Variants in MAP2K4 observed in about 807,000 individuals in gnomAD.
MAP2K4 encodes dual specificity mitogen-activated protein kinase kinase 4.
Under a neutral mutation model 48.5 loss-of-function variants are expected in MAP2K4, and 4 were observed. The observed-to-expected ratio is 0.08, with a 90% CI of 0.04 to 0.19. The LOEUF (loss-of-function observed/expected upper bound fraction) is 0.19. MAP2K4 is among the 10% of genes least tolerant of loss of function. The pLI, the probability that MAP2K4 is intolerant of heterozygous loss-of-function variation, is 1.00. For missense variants in MAP2K4, 258 were observed against 493.3 expected, an observed-to-expected ratio of 0.52 and a Z score of 4.52; for synonymous variants, 166 against 173.1, an observed-to-expected ratio of 0.96 and a Z score of 0.32.
Position 12,049,639 on chromosome 17 carries a change from A to G in MAP2K4, c.116-5250A>G, listed in dbSNP as rs529567616. 2.9e-3 allele frequency among the ~76,000 whole-genome samples: 444 copies of G among 152,298 alleles called. 4 individuals carry two copies. Among genetic ancestry groups the G allele is most frequent in the African/African-American group, 1.0e-2 (415 of 41,568 alleles). On this transcript the variant is annotated intron_variant, in intron 1 of 10. Coordinates refer to ENST00000353533, the MANE Select transcript of MAP2K4 (RefSeq NM_003010.4). Reference sequence around the variant, plus strand: ...ACTGAGCTGCTTCACATTCAAACTCAGGGTAGCTTTCCAGGAGGGCAAAAG... The same window carrying G: ...ACTGAGCTGCTTCACATTCAAACTCGGGGTAGCTTTCCAGGAGGGCAAAAG...
chr17:12,120,542 C>CT, intron 7 of MAP2K4, among the ~76,000 whole-genome samples: 1 of 141,000 alleles, frequency 7.1e-6, no homozygotes, highest in Middle Eastern at 3.8e-3. Flanking sequence ...ATTCCCCCCC[C>CT]CATAAAAAAG....
rs1312824308 is a variant in MAP2K4 at position 12,067,100 on chromosome 17, G to A, written c.218+12109G>A. Among the ~76,000 whole-genome samples, 6 of 152,162 alleles carry A rather than the reference G, an allele frequency of 3.9e-5. No individual in the cohort carries two copies. In the East Asian group the frequency reaches 1.2e-3, roughly 29 times the overall value. ...GCCTCCCAAAGTGCTGGGATTACAG[G>A]GGTGAGCCACTGTGCCCCACCCACA... On this transcript the variant is annotated intron_variant, in intron 2 of 10. Coordinates refer to ENST00000353533, the MANE Select transcript of MAP2K4 (RefSeq NM_003010.4).
At chr17:12,128,505 A>T (rs777606992) in intron 8 of MAP2K4, among the ~76,000 whole-genome samples, 2 of 152,102 alleles carry the variant, frequency 1.3e-5, no homozygotes, top group Non-Finnish European at 2.9e-5. Context: ...GACTCTTCAG[A>T]TCTCTTCTGG....
intron 1 of MAP2K4, among the ~76,000 whole-genome samples, chr17:12,037,753 A>G (rs543461422): frequency 6.6e-6 from 1 of 152,170 alleles, no homozygotes; most frequent in Admixed American, 6.6e-5. Flanking sequence ...TGGGAAGTCC[A>G]TCTGCTTGGA....
chr17:12,032,284 G>T, intron 1 of MAP2K4: 1 of 1,411,698 alleles, frequency 7.1e-7, no homozygotes, highest in Non-Finnish European at 9.3e-7. Flanking sequence ...ATAAACTTCT[G>T]TGAAAAGGCA....
chr17:12,024,603 A>T (rs2151504731), intron 1 of MAP2K4, among the ~76,000 whole-genome samples: 1 of 152,340 alleles, frequency 6.6e-6, no homozygotes, highest in Non-Finnish European at 1.5e-5. Context: ...TATATTTGGC[A>T]TTAGGATGAG....
chr17:12,061,657 T>C (rs1372917331), intron 2 of MAP2K4, among the ~76,000 whole-genome samples: 1 of 152,246 alleles, frequency 6.6e-6, no homozygotes, highest in East Asian at 1.9e-4. Flanking sequence ...AGGCAGACAT[T>C]AGAAGATAGC....
intron 1 of MAP2K4, among the ~76,000 whole-genome samples, chr17:12,035,606 G>C (rs1969569354): frequency 6.6e-6 from 1 of 152,024 alleles, no homozygotes; most frequent in African/African-American, 2.4e-5. Flanking sequence ...TCCACTGTTG[G>C]GGCACACTTA....
chr17:12,030,145 A>G (rs1239105552), intron 1 of MAP2K4, among the ~76,000 whole-genome samples: 1 of 152,120 alleles, frequency 6.6e-6, no homozygotes, highest in Non-Finnish European at 1.5e-5. Flanking sequence ...CCAAATCTGC[A>G]CTATAAGCAC....
intron 1 of MAP2K4, among the ~76,000 whole-genome samples, chr17:12,027,279 C>A (rs1969283210): frequency 6.6e-6 from 1 of 152,026 alleles, no homozygotes; most frequent in Admixed American, 6.5e-5. Context: ...TCAAGGTGGG[C>A]CTTTTGAATG....
intron 2 of MAP2K4, among the ~76,000 whole-genome samples, chr17:12,059,748 A>G (rs1372382717): frequency 1.3e-5 from 2 of 152,234 alleles, no homozygotes; most frequent in African/African-American, 4.8e-5. Context: ...AGAGGTTTCA[A>G]AGTCCCTAGT....
chr17:12,088,575 A>AATATATAATATATATTAAATATATT (rs1567653793), intron 3 of MAP2K4, among the ~76,000 whole-genome samples: 81 of 138,068 alleles, frequency 5.9e-4, no homozygotes, highest in African/African-American at 2.1e-3. Flanking sequence ...TTAAATATAT[A>AATATATAATATATATTAAATATATT]ATATATAATA....
chr17:12,128,686 G>A (rs1413570999), intron 8 of MAP2K4, among the ~76,000 whole-genome samples: 2 of 152,272 alleles, frequency 1.3e-5, no homozygotes, highest in East Asian at 3.9e-4. Flanking sequence ...GCTCAGATTA[G>A]GCTTTTGTTT....
chr17:12,139,910 A>G (rs1264454470), intron 10 of MAP2K4, 26 bp downstream of exon 10: 1 of 1,554,694 alleles, frequency 6.4e-7, no homozygotes, highest in Admixed American at 1.8e-5. Context: ...TGGGGATTGT[A>G]GGTACATCCT....
At chr17:12,074,041 G>A (rs1970912980) in intron 2 of MAP2K4, among the ~76,000 whole-genome samples, 1 of 152,044 alleles carries the variant, frequency 6.6e-6, no homozygotes, top group Non-Finnish European at 1.5e-5. Flanking sequence ...CAAAGTGCGG[G>A]GACTACAGGT....
At chr17:12,085,709 C>T (rs1434708203) in intron 3 of MAP2K4, among the ~76,000 whole-genome samples, 1 of 151,978 alleles carries the variant, frequency 6.6e-6, no homozygotes. Flanking sequence ...GGAGTTGAGA[C>T]CCAGCCTAAT....
Position 12,128,678 on chromosome 17 carries a change from T to C in MAP2K4, c.892-461T>C, listed in dbSNP as rs541249036. On this transcript the variant is annotated intron_variant, in intron 8 of 10. Transcript: ENST00000353533. ...GATTTGCACATTGTTTCCTCCAAGC[T>C]CAGATTAGGCTTTTGTTTGTTGGAT... 1.6e-4 allele frequency among the ~76,000 whole-genome samples: 24 copies of C among 152,298 alleles called. 1 individual carries two copies. Among genetic ancestry groups the C allele is most frequent in the African/African-American group, 5.5e-4 (23 of 41,532 alleles).
intron 2 of MAP2K4, among the ~76,000 whole-genome samples, chr17:12,059,205 A>G (rs904751402): frequency 6.6e-6 from 1 of 152,252 alleles, no homozygotes; most frequent in Non-Finnish European, 1.5e-5. Context: ...TAAACTGGAT[A>G]GCCAAAGAGT....
intron 1 of MAP2K4, among the ~76,000 whole-genome samples, chr17:12,046,985 T>A (rs967684961): frequency 1.3e-5 from 2 of 152,112 alleles, no homozygotes; most frequent in Non-Finnish European, 2.9e-5. Context: ...CTTTGTCTGG[T>A]GTTCTAAGAA....
Sources: allele counts gnomAD v4.1 joint callset (sites outside exome capture counted in the v4.1 genomes callset), GRCh38; gene constraint gnomAD v4.1.1; transcripts MANE v1.5; gene names NCBI Gene and HGNC (gene_info 2026-07-23, HGNC 2026-07-21).